The following AFG1L variants were observed in gnomAD, a reference collection of about 807,000 sequenced individuals.
AFG1L encodes the protein AFG1-like ATPase.
In AFG1L, 53 loss-of-function variants were observed where a neutral mutation model predicts 62.2. The ratio of observed to expected loss-of-function variants is 0.85; its 90% CI spans 0.68 to 1.07. The LOEUF (loss-of-function observed/expected upper bound fraction) is 1.07. Ranked by LOEUF, AFG1L falls within the 50% of genes least tolerant of loss-of-function variation. The probability of loss-of-function intolerance (pLI) is 0.00; values close to 1 mark genes in which losing one functional copy is unlikely to be tolerated. For missense variants in AFG1L, 555 were observed against 590.5 expected (o/e 0.94, Z 0.62); for synonymous variants, 228 against 210.3 (o/e 1.08, Z -0.73).
At chr6:108,408,965 A>T (rs1439065835) in intron 7 of AFG1L, among the ~76,000 whole-genome samples, 2 of 149,134 alleles carry the variant, frequency 1.3e-5, no homozygotes, top group Non-Finnish European at 3.0e-5. Context: ...CATTTAGAGG[A>T]ACAGTTAGGT....
chr6:108,458,132 C>T (rs1772321689), intron 8 of AFG1L, among the ~76,000 whole-genome samples: 1 of 152,016 alleles, frequency 6.6e-6, no homozygotes, highest in African/African-American at 2.4e-5. Flanking sequence ...TGGTTTTCAG[C>T]ATGTTTCTTT....
chr6:108,473,855 G>A (rs1017399188), intron 8 of AFG1L, among the ~76,000 whole-genome samples: 47 of 152,182 alleles, frequency 3.1e-4, no homozygotes, highest in African/African-American at 1.1e-3. Flanking sequence ...CACTATGCCC[G>A]GCCAGCTCAC....
chr6:108,401,191 G>A (rs1171355280), intron 6 of AFG1L, among the ~76,000 whole-genome samples: 1 of 146,208 alleles, frequency 6.8e-6, no homozygotes, highest in Non-Finnish European at 1.5e-5. Context: ...GCCGGACTGC[G>A]GACTGCAGTG....
intron 2 of AFG1L, among the ~76,000 whole-genome samples, chr6:108,327,898 A>G (rs1562477573): frequency 6.6e-6 from 1 of 152,154 alleles, no homozygotes; most frequent in Non-Finnish European, 1.5e-5. Context: ...GAGGCCGTTA[A>G]CCAGCGTAAA....
intron 7 of AFG1L, among the ~76,000 whole-genome samples, chr6:108,437,114 G>A (rs942679474): frequency 2.0e-5 from 3 of 152,080 alleles, no homozygotes; most frequent in African/African-American, 7.2e-5. Context: ...CTGCCCTCAG[G>A]ACTTAATCAC....
intron 8 of AFG1L, among the ~76,000 whole-genome samples, chr6:108,474,172 ATGGCTTC>A (rs1317292244): frequency 1.3e-5 from 2 of 152,112 alleles, no homozygotes; most frequent in Admixed American, 1.3e-4. Flanking sequence ...GCTGAGGATA[ATGGCTTC>A]CAGCTCCATC....
intron 7 of AFG1L, among the ~76,000 whole-genome samples, chr6:108,415,198 G>C (rs536084632): frequency 6.6e-6 from 1 of 152,064 alleles, no homozygotes; most frequent in Non-Finnish European, 1.5e-5. Flanking sequence ...AAAATACCTC[G>C]GAATCCAACT....
intron 8 of AFG1L, among the ~76,000 whole-genome samples, chr6:108,459,717 T>C (rs1246505813): frequency 6.6e-6 from 1 of 152,176 alleles, no homozygotes; most frequent in Non-Finnish European, 1.5e-5. Context: ...TATAATAGAA[T>C]TAGAATATCA....
intron 10 of AFG1L, among the ~76,000 whole-genome samples, chr6:108,495,612 A>G (rs376567684): frequency 6.6e-6 from 1 of 152,246 alleles, no homozygotes; most frequent in African/African-American, 2.4e-5. Flanking sequence ...CAACTGGACC[A>G]TTTCACATAT....
intron 7 of AFG1L, among the ~76,000 whole-genome samples, chr6:108,442,689 G>C (rs1771601567): frequency 6.6e-6 from 1 of 152,128 alleles, no homozygotes; most frequent in Non-Finnish European, 1.5e-5. Context: ...CAGAATTGCT[G>C]ATATATAATC....
chr6:108,299,280 AAT>A (rs1776890621), intron 1 of AFG1L, among the ~76,000 whole-genome samples: 4 of 152,170 alleles, frequency 2.6e-5, no homozygotes, highest in Non-Finnish European at 5.9e-5. Context: ...AAAAAAAAAA[AAT>A]AAATTAACAT....
intron 5 of AFG1L, chr6:108,359,684 A>T (rs1042025558): frequency 5.9e-5 from 9 of 152,266 alleles, no homozygotes; most frequent in Non-Finnish European, 1.3e-4. Context: ...TGGCTTGGCG[A>T]ATGGGCCAGT....
chr6:108,459,636 A>T (rs1439243516), intron 8 of AFG1L, among the ~76,000 whole-genome samples: 1 of 152,228 alleles, frequency 6.6e-6, no homozygotes, highest in African/African-American at 2.4e-5. Context: ...AGTATAACAT[A>T]ATAGTTGATG....
In AFG1L at chr6:108,488,749, T is replaced by C. The variant is rs1461613741; in HGVS notation, c.1062+11457T>C. Among the ~76,000 whole-genome samples, 3 of 151,650 alleles carry C rather than the reference T, an allele frequency of 2.0e-5. No individual in the cohort carries two copies. The East Asian group carries it at 5.8e-4, about 29-fold the overall frequency. ...TGAGTGTGATGGCGCACATCTATAA[T>C]CTCAGCTACTCGGGAGGCTGAGGCA... On this transcript the variant is annotated intron_variant, in intron 10 of 12. Coordinates refer to ENST00000368977, the MANE Select transcript of AFG1L (RefSeq NM_145315.5).
chr6:108,310,210 C>G (rs369576526), intron 1 of AFG1L, among the ~76,000 whole-genome samples: 2 of 152,180 alleles, frequency 1.3e-5, no homozygotes, highest in South Asian at 2.1e-4. Context: ...AGCAAACAAG[C>G]CTGCAACATT....
chr6:108,410,476 C>T (rs1292411665), intron 7 of AFG1L, among the ~76,000 whole-genome samples: 1 of 151,924 alleles, frequency 6.6e-6, no homozygotes, highest in African/African-American at 2.4e-5. Flanking sequence ...AGAGTTTTTA[C>T]TAAATTCAGT....
At chr6:108,428,157 A>G (rs1272995363) in intron 7 of AFG1L, among the ~76,000 whole-genome samples, 2 of 152,138 alleles carry the variant, frequency 1.3e-5, no homozygotes, top group African/African-American at 4.8e-5. Context: ...TATGCTTTGC[A>G]TGCTGATAGC....
chr6:108,314,564 T>C (rs773531168), intron 1 of AFG1L, among the ~76,000 whole-genome samples: 1 of 152,000 alleles, frequency 6.6e-6, no homozygotes, highest in Non-Finnish European at 1.5e-5. Flanking sequence ...GCCCGGCTAA[T>C]TTCTTTTGTG....
intron 7 of AFG1L, among the ~76,000 whole-genome samples, chr6:108,436,738 T>C (rs1411001045): frequency 6.6e-6 from 1 of 152,252 alleles, no homozygotes; most frequent in Non-Finnish European, 1.5e-5. Context: ...ACTTTTGGGC[T>C]GTTTGACAAT....
Sources: gnomAD v4.1 joint callset for allele counts (sites outside exome capture counted in the v4.1 genomes callset) on GRCh38, gnomAD v4.1.1 for gene constraint, MANE v1.5 for transcripts, NCBI Gene and HGNC (gene_info 2026-07-23, HGNC 2026-07-21) for gene names.